FAM174A: variants seen among roughly 807,000 people sequenced by gnomAD.
FAM174A encodes the protein membrane protein FAM174A.
In FAM174A, 14 loss-of-function variants were observed where a neutral mutation model predicts 14.3. The observed-to-expected ratio is 0.98, with a 90% CI of 0.65 to 1.53. FAM174A has a LOEUF of 1.53. FAM174A is among the 40% of genes most tolerant of loss of function. The probability of loss-of-function intolerance (pLI) is 0.00; values close to 1 mark genes in which losing one functional copy is unlikely to be tolerated. For synonymous variants in FAM174A, 108 were observed against 111.4 expected, an observed-to-expected ratio of 0.97 and a Z score of 0.19; for missense variants, 241 against 249.6, an observed-to-expected ratio of 0.97 and a Z score of 0.23.
intron 2 of FAM174A, among the ~76,000 whole-genome samples, chr5:100,576,120 C>T (rs75456216): frequency 0.02 from 3,041 of 152,248 alleles, 111 homozygotes; most frequent in African/African-American, 0.07. Flanking sequence ...GCCTTAAATA[C>T]ATCAAACTAT....
intron 1 of FAM174A, among the ~76,000 whole-genome samples, chr5:100,560,642 T>C (rs939461426): frequency 1.3e-5 from 2 of 152,008 alleles, no homozygotes; most frequent in Non-Finnish European, 2.9e-5. Flanking sequence ...CAATTATTTG[T>C]TGAAGGTATG....
intron 1 of FAM174A, among the ~76,000 whole-genome samples, chr5:100,546,854 T>G (rs1388910433): frequency 6.6e-6 from 1 of 152,162 alleles, no homozygotes; most frequent in East Asian, 1.9e-4. Flanking sequence ...CTGCTTACTG[T>G]GTATATTTTT....
chr5:100,563,240 A>G lies in FAM174A; in HGVS notation c.569+1052A>G, dbSNP rs574111431. On this transcript the variant is annotated intron_variant, in intron 2 of 2. Transcript: ENST00000312637. ...AGGCAAACATGAACAAAACAATTGC[A>G]TCTGTTCTTCAGGCACTCACTTTCA... Among the ~76,000 whole-genome samples, 3 of 151,960 alleles carry G rather than the reference A, an allele frequency of 2.0e-5. No individual in the cohort carries two copies. The South Asian group carries it at 6.2e-4, about 31-fold the overall frequency.
intron 1 of FAM174A, among the ~76,000 whole-genome samples, chr5:100,555,391 G>A (rs558814888): frequency 2.6e-5 from 4 of 151,978 alleles, no homozygotes; most frequent in African/African-American, 7.2e-5. Context: ...ATAAACATAC[G>A]TGTGTGTGTG....
In FAM174A at chr5:100,562,195, A is replaced by T; in HGVS notation, c.569+7A>T. 4.5e-6 allele frequency: 7 copies of T among 1,566,982 alleles called. No homozygotes were observed. The South Asian group carries it at 8.3e-5, about 19-fold the overall frequency. Reference sequence around the variant, plus strand: ...ATGCCAATCATCCTCGAAGGTAAGTATTCCAGTAGTTTAATTCCATGAATC... The same window carrying T: ...ATGCCAATCATCCTCGAAGGTAAGTTTTCCAGTAGTTTAATTCCATGAATC... On this transcript the variant is annotated splice_region_variant and intron_variant, in intron 2 of 2. Coordinates refer to ENST00000312637, the MANE Select transcript of FAM174A (RefSeq NM_198507.3).
In FAM174A at chr5:100,562,165, G is replaced by A. The variant is rs1746538204; in HGVS notation, c.546G>A (p.Leu182=). 1 of 1,578,436 alleles carries A rather than the reference G, an allele frequency of 6.3e-7. No homozygotes were observed. Among genetic ancestry groups the A allele is most frequent in the African/African-American group, 1.4e-5 (1 of 71,776 alleles). Residue 182 remains leucine, a synonymous_variant, in exon 2 of 3, where the codon TTG becomes TTA. Transcript: ENST00000312637. ...EQDDEDDDNT[L]FDANHPRR is the part of the protein sequence containing the mutation. ...ATGATGAGGATGATGACAACACGTT[G>A]TTTGATGCCAATCATCCTCGAAGGT...
At chr5:100,545,439 A>G (rs976512692) in intron 1 of FAM174A, among the ~76,000 whole-genome samples, 18 of 152,064 alleles carry the variant, frequency 1.2e-4, no homozygotes, top group African/African-American at 3.1e-4. Context: ...AGAAAGTGGT[A>G]TAGAGTTGAA....
intron 1 of FAM174A, among the ~76,000 whole-genome samples, chr5:100,561,677 A>G (rs1249018381): frequency 6.6e-6 from 1 of 151,922 alleles, no homozygotes; most frequent in East Asian, 1.9e-4. Context: ...CAGTGGTAAG[A>G]AAGCGGGGAG....
intron 2 of FAM174A, among the ~76,000 whole-genome samples, chr5:100,566,141 G>GATATATATATATAT (rs60895683): frequency 0.041 from 3,333 of 81,270 alleles, 141 homozygotes; most frequent in Middle Eastern, 0.045. Flanking sequence ...TGAAAAGTAT[G>GATATATATATATAT]ATATATATAT....
intron 2 of FAM174A, among the ~76,000 whole-genome samples, chr5:100,571,081 T>C (rs1746768950): frequency 6.6e-6 from 1 of 151,862 alleles, no homozygotes; most frequent in Admixed American, 6.6e-5. Flanking sequence ...TTCAATTCAC[T>C]AATGTTTTCT....
Position 100,581,403 on chromosome 5 carries a change from G to A in FAM174A, c.570-4778G>A, listed in dbSNP as rs1256673139. 1.8e-5 allele frequency: 18 copies of A among 984,396 alleles called. 1 individual carries two copies. The highest frequency in any genetic ancestry group is 1.9e-5 in the Non-Finnish European group (16 of 829,070). 61.0% of individuals were successfully genotyped at this position (984,396 alleles called of 1,614,324 possible). A position where few individuals can be genotyped will look rare whatever the true frequency, so the allele number is the denominator to read the frequency against. ...GAGGGATAGCAACATGGATTTCACT[G>A]AGTAGGTGGCAATTGAGTTAAAGTT... On this transcript the variant is annotated intron_variant, in intron 2 of 2. Coordinates refer to ENST00000312637, the MANE Select transcript of FAM174A (RefSeq NM_198507.3).
At chr5:100,581,527 C>A (rs771814637) in intron 2 of FAM174A, 90 of 248,262 alleles carry the variant, frequency 3.6e-4, no homozygotes, top group East Asian at 7.2e-4. Flanking sequence ...CCAAGGTGGG[C>A]GGATCACTTG....
intron 2 of FAM174A, among the ~76,000 whole-genome samples, chr5:100,566,353 T>C (rs1055304484): frequency 1.9e-4 from 29 of 151,248 alleles, no homozygotes; most frequent in African/African-American, 6.8e-4. Context: ...GGAATCTAAA[T>C]AGTCAAGCTT....
At chr5:100,562,539 A>C (rs115729316) in intron 2 of FAM174A, among the ~76,000 whole-genome samples, 197 of 151,584 alleles carry the variant, frequency 1.3e-3, no homozygotes, top group African/African-American at 4.6e-3. Context: ...TAAGCCTAGG[A>C]CCCATTAACT....
intron 1 of FAM174A, among the ~76,000 whole-genome samples, chr5:100,539,479 T>A (rs918667831): frequency 2.0e-5 from 3 of 152,178 alleles, no homozygotes; most frequent in African/African-American, 7.2e-5. Flanking sequence ...GAACCATACT[T>A]TGTAACTGAA....
intron 2 of FAM174A, among the ~76,000 whole-genome samples, chr5:100,576,931 TGAG>T (rs1387403808): frequency 6.6e-6 from 1 of 152,106 alleles, no homozygotes; most frequent in African/African-American, 2.4e-5. Flanking sequence ...GAAAAACTGA[TGAG>T]GAGTCAGAGG....
chr5:100,564,964 C>T (rs936323935), intron 2 of FAM174A, among the ~76,000 whole-genome samples: 3 of 151,816 alleles, frequency 2.0e-5, no homozygotes, highest in Admixed American at 6.6e-5. Context: ...AATTAATACT[C>T]GTCCTTCTCA....
intron 1 of FAM174A, among the ~76,000 whole-genome samples, chr5:100,554,953 G>C (rs1166632116): frequency 1.3e-5 from 2 of 151,654 alleles, no homozygotes; most frequent in Non-Finnish European, 2.9e-5. Flanking sequence ...TATACTTTAA[G>C]TTTTAGGGTA....
chr5:100,535,544 A>C lies in FAM174A; in HGVS notation c.14A>C (p.Gln5Pro), dbSNP rs1745921821. 6.2e-7 allele frequency: 1 copy of C among 1,613,022 alleles called. No individual in the cohort carries two copies. The highest frequency in any genetic ancestry group is 8.5e-7 in the Non-Finnish European group (1 of 1,179,924). ...GGTCCGGGAACGATGAAGGCCTCGC[A>C]GTGCTGCTGCTGTCTCAGCCACCTC... MKAS[Q>P]CCCCLSHLLA... The change falls in exon 1 of 3, where the codon CAG becomes CCG. Residue 5 changes from glutamine to proline, a missense_variant. Coordinates refer to ENST00000312637, the MANE Select transcript of FAM174A (RefSeq NM_198507.3).
Sources: allele counts gnomAD v4.1 joint callset (sites outside exome capture counted in the v4.1 genomes callset), GRCh38; gene constraint gnomAD v4.1.1; transcripts MANE v1.5; gene names NCBI Gene and HGNC (gene_info 2026-07-23, HGNC 2026-07-21).